The following ATXN1 variants were observed in gnomAD, a reference collection of about 807,000 sequenced individuals.
ATXN1 encodes the protein ataxin 1, also known as ataxin-1.
ATXN1 carries 8 observed loss-of-function variants against 56.4 expected under a neutral mutation model. That is an observed-to-expected ratio of 0.14 (90% CI 0.08 to 0.26). The LOEUF is 0.26. Ranked by LOEUF, ATXN1 falls within the 10% of genes least tolerant of loss-of-function variation. ATXN1 has a pLI of 1.00. For synonymous variants in ATXN1, 514 were observed against 494.6 expected, an observed-to-expected ratio of 1.04 and a Z score of -0.52; for missense variants, 987 against 1,106.5, an observed-to-expected ratio of 0.89 and a Z score of 1.53.
intron 5 of ATXN1, among the ~76,000 whole-genome samples, chr6:16,522,161 G>T (rs968252696): frequency 1.3e-5 from 2 of 152,122 alleles, no homozygotes; most frequent in African/African-American, 4.8e-5. Context: ...GAGCCTCTGG[G>T]CCTCAGATGC....
chr6:16,693,046 T>C (rs1759082790), intron 2 of ATXN1, among the ~76,000 whole-genome samples: 2 of 152,294 alleles, frequency 1.3e-5, no homozygotes, highest in South Asian at 2.1e-4. Flanking sequence ...CACTCACTAG[T>C]GCATGCCCTA....
chr6:16,466,317 C>CAAAAAAAAAAAAAA (rs200261208), intron 6 of ATXN1, among the ~76,000 whole-genome samples: 3 of 79,874 alleles, frequency 3.8e-5, no homozygotes, highest in African/African-American at 5.0e-5. Context: ...GACCCCATCT[C>CAAAAAAAAAAAAAA]AAAAAAAAAA....
chr6:16,433,558 T>A (rs1048598790), intron 6 of ATXN1, among the ~76,000 whole-genome samples: 1 of 152,158 alleles, frequency 6.6e-6, no homozygotes, highest in Admixed American at 6.5e-5. Flanking sequence ...CCAGAGGAAG[T>A]TGTGATAAAG....
chr6:16,444,630 C>T (rs1759596633), intron 6 of ATXN1, among the ~76,000 whole-genome samples: 1 of 152,138 alleles, frequency 6.6e-6, no homozygotes, highest in South Asian at 2.1e-4. Flanking sequence ...TATTATCCTG[C>T]TTTTCCTACA....
At chr6:16,656,593 C>G (rs1758206806) in intron 3 of ATXN1, among the ~76,000 whole-genome samples, 1 of 152,106 alleles carries the variant, frequency 6.6e-6, no homozygotes, top group Admixed American at 6.6e-5. Flanking sequence ...ATTCCAACCC[C>G]CAGACTAAGA....
chr6:16,643,133 G>A (rs568841817), intron 3 of ATXN1, among the ~76,000 whole-genome samples: 2 of 152,196 alleles, frequency 1.3e-5, no homozygotes, highest in South Asian at 4.1e-4. Flanking sequence ...AGCTGGGCAT[G>A]GTGGCAGGCA....
intron 2 of ATXN1, among the ~76,000 whole-genome samples, chr6:16,730,487 G>GTGTGTATATATATATATA (rs141836403): frequency 3.0e-5 from 4 of 132,060 alleles, no homozygotes; most frequent in African/African-American, 5.4e-5. Flanking sequence ...AAAACAGTAT[G>GTGTGTATATATATATATA]TATATATATA....
intron 3 of ATXN1, among the ~76,000 whole-genome samples, chr6:16,587,703 C>G (rs554463011): frequency 2.0e-5 from 3 of 151,910 alleles, no homozygotes; most frequent in African/African-American, 7.2e-5. Context: ...GGGGCCAAGG[C>G]GGGAGGATCA....
chr6:16,578,763 A>G (rs940191386), intron 4 of ATXN1, among the ~76,000 whole-genome samples: 2 of 152,160 alleles, frequency 1.3e-5, no homozygotes, highest in Non-Finnish European at 2.9e-5. Flanking sequence ...AAAAATCACA[A>G]GACGATAGAT....
chr6:16,673,032 A>AAG (rs1758579648), intron 2 of ATXN1, among the ~76,000 whole-genome samples: 1 of 151,410 alleles, frequency 6.6e-6, no homozygotes, highest in Non-Finnish European at 1.5e-5. Flanking sequence ...AAAAAAAAAA[A>AAG]AAAAGAAAAG....
intron 4 of ATXN1, among the ~76,000 whole-genome samples, chr6:16,577,839 CA>C (rs1214378688): frequency 3.9e-5 from 6 of 152,232 alleles, no homozygotes; most frequent in Admixed American, 1.3e-4. Context: ...CTACAATTTA[CA>C]AAACATTTTC....
intron 6 of ATXN1, among the ~76,000 whole-genome samples, chr6:16,414,495 C>T (rs1219938653): frequency 4.6e-5 from 7 of 152,170 alleles, no homozygotes; most frequent in African/African-American, 7.2e-5. Flanking sequence ...CAGAGTGTGA[C>T]GCCCACGACA....
chr6:16,494,078 GGAGAGGCATCTCCAGTGCAGGGCTGGACT>G (rs11274092), intron 5 of ATXN1, among the ~76,000 whole-genome samples: 110,649 of 142,580 alleles, frequency 0.78, 44,902 homozygotes, highest in African/African-American at 0.87. Flanking sequence ...CCTTTCCCAT[GGAGAGGCATCTCCAGTGCAGGGCTGGACT>G]GAGAGGCATC....
chr6:16,378,703 T>C (rs1220905669), intron 6 of ATXN1, among the ~76,000 whole-genome samples: 1 of 151,822 alleles, frequency 6.6e-6, no homozygotes, highest in Non-Finnish European at 1.5e-5. Context: ...GGACTACAGG[T>C]GCACACCACC....
intron 5 of ATXN1, among the ~76,000 whole-genome samples, chr6:16,513,318 G>C (rs1318488752): frequency 6.6e-6 from 1 of 152,206 alleles, no homozygotes; most frequent in African/African-American, 2.4e-5. Context: ...GCTCGTGCTT[G>C]AGTTTCTACA....
At chr6:16,348,140 G>C (rs1366502962) in intron 6 of ATXN1, among the ~76,000 whole-genome samples, 1 of 152,236 alleles carries the variant, frequency 6.6e-6, no homozygotes, top group African/African-American at 2.4e-5. Flanking sequence ...CACAACCATA[G>C]TTTACTGTAG....
intron 6 of ATXN1, among the ~76,000 whole-genome samples, chr6:16,343,753 C>T (rs556806428): frequency 2.0e-5 from 3 of 152,274 alleles, no homozygotes; most frequent in South Asian, 4.1e-4. Flanking sequence ...CCTAGTAAAT[C>T]GTGTGGCTTT....
intron 2 of ATXN1, among the ~76,000 whole-genome samples, chr6:16,680,063 T>G (rs1758782288): frequency 6.6e-6 from 1 of 152,244 alleles, no homozygotes; most frequent in Admixed American, 6.5e-5. Flanking sequence ...CCAATACACC[T>G]TTATTTTTCT....
At chr6:16,597,446 T>A (rs977507822) in intron 3 of ATXN1, among the ~76,000 whole-genome samples, 1 of 151,600 alleles carries the variant, frequency 6.6e-6, no homozygotes, top group Non-Finnish European at 1.5e-5. Context: ...ATCTATTTTT[T>A]TTTTTTTTTT....
Sources: gnomAD v4.1 joint callset for allele counts (sites outside exome capture counted in the v4.1 genomes callset) on GRCh38, gnomAD v4.1.1 for gene constraint, MANE v1.5 for transcripts, NCBI Gene and HGNC (gene_info 2026-07-23, HGNC 2026-07-21) for gene names.